Variants in SGCZ observed in about 807,000 individuals in gnomAD.
SGCZ encodes sarcoglycan zeta.
Under a neutral mutation model 41.3 loss-of-function variants are expected in SGCZ, and 40 were observed. The observed-to-expected ratio is 0.97, with a 90% CI of 0.75 to 1.26. The LOEUF (loss-of-function observed/expected upper bound fraction) is 1.26, where lower values mean the gene tolerates loss of function less well. SGCZ is among the 50% of genes most tolerant of loss of function. The pLI is 0.00. For missense variants in SGCZ, 552 were observed against 369.8 expected (o/e 1.49, Z -4.04); for synonymous variants, 206 against 137.5 (o/e 1.50, Z -3.49).
At chr8:15,118,540 A>G (rs978008619) in intron 1 of SGCZ, among the ~76,000 whole-genome samples, 1 of 152,108 alleles carries the variant, frequency 6.6e-6, no homozygotes, top group African/African-American at 2.4e-5. Flanking sequence ...GTTTATGTAA[A>G]CCTGTCTGTG....
chr8:15,107,727 C>G (rs1302282684), intron 1 of SGCZ, among the ~76,000 whole-genome samples: 3 of 152,104 alleles, frequency 2.0e-5, no homozygotes, highest in Non-Finnish European at 4.4e-5. Context: ...CGGATTAAGA[C>G]AAGTTCTCCA....
chr8:14,702,816 GATA>G (rs1563212910), intron 1 of SGCZ, among the ~76,000 whole-genome samples: 2,436 of 6,758 alleles, frequency 0.36, 101 homozygotes, highest in South Asian at 0.45. Flanking sequence ...TAGTTAGGTA[GATA>G]GATAGATAGA....
At chr8:15,001,311 C>T (rs943064112) in intron 1 of SGCZ, among the ~76,000 whole-genome samples, 5 of 152,174 alleles carry the variant, frequency 3.3e-5, no homozygotes, top group African/African-American at 7.2e-5. Flanking sequence ...CATCTTTCTG[C>T]GGCTGTTGGA....
chr8:15,127,440 C>G (rs1314846346), intron 1 of SGCZ, among the ~76,000 whole-genome samples: 1 of 152,074 alleles, frequency 6.6e-6, no homozygotes, highest in African/African-American at 2.4e-5. Context: ...ACTTACTAGA[C>G]CAGATATAGA....
chr8:14,207,556 C>A (rs1039914295), intron 4 of SGCZ, among the ~76,000 whole-genome samples: 3 of 151,872 alleles, frequency 2.0e-5, no homozygotes, highest in Non-Finnish European at 2.9e-5. Flanking sequence ...GCTTAAATAT[C>A]TTTTTTGTAG....
rs1031619691 is a variant in SGCZ at position 14,383,469 on chromosome 8, C to T, written c.235-59265G>A. Among the ~76,000 whole-genome samples the T allele has an allele frequency of 2.0e-5, 3 of 152,164 alleles. No homozygotes were observed. The South Asian group carries it at 6.2e-4, about 32-fold the overall frequency. On this transcript the variant is annotated intron_variant, in intron 2 of 7. Transcript: ENST00000382080. Reference sequence around the variant, plus strand: ...ATGTTCCAGGCTAATTAGTTTCATGCTTCAAAGTGTCCCACTCTGGATAGC... The same window carrying T: ...ATGTTCCAGGCTAATTAGTTTCATGTTTCAAAGTGTCCCACTCTGGATAGC...
At chr8:14,497,399 A>C (rs1281703022) in intron 2 of SGCZ, among the ~76,000 whole-genome samples, 1 of 152,066 alleles carries the variant, frequency 6.6e-6, no homozygotes, top group Non-Finnish European at 1.5e-5. Context: ...TGGAGCAAGA[A>C]CTCACTTACC....
At position 15,223,423 on chromosome 8, in the gene SGCZ, C is replaced by A. The variant is rs906069078; in HGVS notation, c.39+14162G>T. On this transcript the variant is annotated intron_variant, in intron 1 of 7. Coordinates refer to ENST00000382080, the MANE Select transcript of SGCZ (RefSeq NM_139167.4). ...CAAAGACGACTCCTTGTGTGACTAC[C>A]ACATGGTAATAACCTTATAAAAAAG... Among the ~76,000 whole-genome samples, 3 of 152,148 alleles carry A rather than the reference C, an allele frequency of 2.0e-5. No individual in the cohort carries two copies. In the East Asian group the frequency reaches 5.8e-4, roughly 29 times the overall value.
chr8:14,217,618 T>A (rs4831553), intron 4 of SGCZ, among the ~76,000 whole-genome samples: 142,588 of 143,360 alleles, frequency 0.99, 70,916 homozygotes, highest in East Asian at 1. Context: ...AACATTTAAA[T>A]TCAACTAAAG....
At chr8:14,933,131 G>A (rs1054393715) in intron 1 of SGCZ, among the ~76,000 whole-genome samples, 1 of 151,956 alleles carries the variant, frequency 6.6e-6, no homozygotes, top group Non-Finnish European at 1.5e-5. Context: ...GTAACATAGT[G>A]TTTGGCTCAC....
At chr8:14,505,513 A>G (rs1802280241) in intron 2 of SGCZ, among the ~76,000 whole-genome samples, 1 of 152,158 alleles carries the variant, frequency 6.6e-6, no homozygotes. Context: ...AGCAAAACAT[A>G]TATTCACCAT....
At chr8:14,874,041 G>A (rs377284458) in intron 1 of SGCZ, among the ~76,000 whole-genome samples, 5 of 149,382 alleles carry the variant, frequency 3.3e-5, no homozygotes, top group African/African-American at 1.2e-4. Flanking sequence ...ATGGAAAACT[G>A]TGATTTACTT....
intron 1 of SGCZ, among the ~76,000 whole-genome samples, chr8:14,828,164 C>A (rs1253573083): frequency 6.6e-6 from 1 of 151,980 alleles, no homozygotes; most frequent in African/African-American, 2.4e-5. Context: ...GGTGAAAGCA[C>A]GGAATCTTTA....
chr8:15,163,633 C>G (rs1029885475), intron 1 of SGCZ, among the ~76,000 whole-genome samples: 10 of 152,162 alleles, frequency 6.6e-5, no homozygotes, highest in African/African-American at 2.4e-4. Flanking sequence ...AAGTAAATTA[C>G]TGCTAAGTTT....
At chr8:14,865,914 A>C (rs527296462) in intron 1 of SGCZ, among the ~76,000 whole-genome samples, 1 of 152,246 alleles carries the variant, frequency 6.6e-6, no homozygotes, top group South Asian at 2.1e-4. Context: ...ACCAAACGAC[A>C]CCTTGGGGAC....
chr8:14,143,167 T>C (rs1336335750), intron 5 of SGCZ, among the ~76,000 whole-genome samples: 1 of 152,146 alleles, frequency 6.6e-6, no homozygotes, highest in Non-Finnish European at 1.5e-5. Flanking sequence ...GACCTTTCTC[T>C]ATTTGACAAA....
chr8:14,392,374 T>C (rs767359608), intron 2 of SGCZ, among the ~76,000 whole-genome samples: 4 of 152,176 alleles, frequency 2.6e-5, no homozygotes, highest in Admixed American at 6.5e-5. Context: ...CTAGATAGCA[T>C]AGCTAGTTTT....
At chr8:14,487,415 G>T (rs1801705048) in intron 2 of SGCZ, among the ~76,000 whole-genome samples, 1 of 152,116 alleles carries the variant, frequency 6.6e-6, no homozygotes. Context: ...AGCACTTTAT[G>T]CAATATAGAT....
chr8:14,919,204 C>T (rs1352782602), intron 1 of SGCZ, among the ~76,000 whole-genome samples: 1 of 152,040 alleles, frequency 6.6e-6, no homozygotes, highest in African/African-American at 2.4e-5. Context: ...TTTGGGAGGC[C>T]GAGGCAGGTG....
Sources: gnomAD v4.1 joint callset for allele counts (sites outside exome capture counted in the v4.1 genomes callset) on GRCh38, gnomAD v4.1.1 for gene constraint, MANE v1.5 for transcripts, NCBI Gene and HGNC (gene_info 2026-07-23, HGNC 2026-07-21) for gene names.